ALG1L2: variants seen among roughly 807,000 people sequenced by gnomAD.
ALG1L2 encodes the protein ALG1 chitobiosyldiphosphodolichol beta-mannosyltransferase like 2.
In ALG1L2, 32 loss-of-function variants were observed where a neutral mutation model predicts 29.0. The ratio of observed to expected loss-of-function variants is 1.10; its 90% CI spans 0.83 to 1.48. The LOEUF (loss-of-function observed/expected upper bound fraction) is 1.48. ALG1L2 is among the 40% of genes most tolerant of loss of function. ALG1L2 has a pLI of 0.00. For missense variants in ALG1L2, 318 were observed against 274.1 expected (o/e 1.16, Z -1.13); for synonymous variants, 110 against 109.5 (o/e 1.00, Z -0.03).
At chr3:130,095,003 G>A (rs569474852) in intron 5 of ALG1L2, among the ~76,000 whole-genome samples, 1 of 152,314 alleles carries the variant, frequency 6.6e-6, no homozygotes, top group African/African-American at 2.4e-5. Context: ...GAGCAGAGCT[G>A]TTGGAGGCTG....
chr3:130,093,812 G>A (rs1935069985), intron 4 of ALG1L2: 1 of 160,430 alleles, frequency 6.2e-6, no homozygotes, highest in Admixed American at 6.2e-5. Flanking sequence ...CTTTCAAGAT[G>A]ATTCAGTGAG....
chr3:130,086,909 C>T (rs1487205060), intron 1 of ALG1L2, among the ~76,000 whole-genome samples: 1 of 151,534 alleles, frequency 6.6e-6, no homozygotes, highest in Non-Finnish European at 1.5e-5. Context: ...CCTTCCTCTT[C>T]ATCCTAATGC....
At chr3:130,088,260 A>C (rs1305449622) in intron 1 of ALG1L2, among the ~76,000 whole-genome samples, 1 of 152,308 alleles carries the variant, frequency 6.6e-6, no homozygotes, top group Non-Finnish European at 1.5e-5. Context: ...CCAGCTCAGT[A>C]AGTGATATGG....
At chr3:130,095,771 C>A (rs6802429) in intron 5 of ALG1L2, among the ~76,000 whole-genome samples, 93,361 of 151,880 alleles carry the variant, frequency 0.61, 29,521 homozygotes, top group Middle Eastern at 0.76. Context: ...GATTGTGCCA[C>A]TGCACTCCAG....
chr3:130,089,479 C>T (rs971847676), intron 1 of ALG1L2: 1 of 85,128 alleles, frequency 1.2e-5, no homozygotes, highest in African/African-American at 4.7e-5. Context: ...ATTTCCAAGC[C>T]TTCATAATCA....
chr3:130,085,312 G>T (rs9813398), intron 1 of ALG1L2, among the ~76,000 whole-genome samples: 32,805 of 142,186 alleles, frequency 0.23, 3,278 homozygotes, highest in Non-Finnish European at 0.26. Context: ...GGCCAGGTTG[G>T]TCTTGAACCT....
In ALG1L2 at chr3:130,093,253, C is replaced by T. The variant is rs1235080093; in HGVS notation, c.313+93C>T. The T allele has an allele frequency of 1.6e-5, 23 of 1,416,408 alleles. No individual in the cohort carries two copies. In the East Asian group the frequency reaches 5.3e-4, roughly 33 times the overall value. The allele number at this position is 1,416,408 out of a possible 1,614,324, so 87.7% of individuals were successfully genotyped here. ...TACCCTGTGCTTCCCACGATCTTGT[C>T]TCCTTAATCCTCACTGCAGCTCTCT... On this transcript the variant is annotated intron_variant, in intron 4 of 7. Transcript: ENST00000425059.
At chr3:130,082,200 T>C (rs1934799235) in intron 1 of ALG1L2, among the ~76,000 whole-genome samples, 164 bp downstream of exon 1, 1 of 148,544 alleles carries the variant, frequency 6.7e-6, no homozygotes, top group African/African-American at 2.4e-5. Context: ...GGGAAGAGTG[T>C]GAGAGGGATG....
At chr3:130,084,210 C>T (rs1325765999) in intron 1 of ALG1L2, among the ~76,000 whole-genome samples, 1 of 151,170 alleles carries the variant, frequency 6.6e-6, no homozygotes, top group Non-Finnish European at 1.5e-5. Flanking sequence ...CCTGTAATCC[C>T]AGCTACTCAG....
At chr3:130,091,082 C>T (rs1673927212) in intron 1 of ALG1L2, 179 bp from the exon 2 acceptor site, 3 of 619,476 alleles carry the variant, frequency 4.8e-6, no homozygotes, top group Non-Finnish European at 8.4e-6. Flanking sequence ...TAAAAAGCCC[C>T]TTTCATTCGG....
intron 6 of ALG1L2, 91 bp from the exon 7 acceptor site, chr3:130,097,084 G>A: frequency 6.4e-7 from 1 of 1,560,768 alleles, no homozygotes; most frequent in Non-Finnish European, 8.7e-7. Context: ...AGCCTGGCTT[G>A]AGCGTGGGGT....
chr3:130,094,381 G>C (rs548285277), intron 4 of ALG1L2, 22 bp from the exon 5 acceptor site: 2 of 1,589,034 alleles, frequency 1.3e-6, no homozygotes, highest in Middle Eastern at 2.3e-4. Context: ...GTTCATGGCA[G>C]TGTCTGCTCT....
intron 4 of ALG1L2, chr3:130,094,020 C>T (rs1420997582): frequency 1.1e-5 from 3 of 276,690 alleles, no homozygotes; most frequent in South Asian, 1.1e-4. Context: ...GCAGGGGCGG[C>T]TTGGAACCTG....
rs1181775147 is a variant in ALG1L2 at position 130,084,976 on chromosome 3, T to TTTA, written c.20+2940_20+2941insTTA. On this transcript the variant is annotated intron_variant, in intron 1 of 7. Transcript: ENST00000425059. ...TATTTATTTATTTATTTATTTATTT[T>TTTA]GAGACAGAATCCTGCTCTGTCACCC... 1.7e-3 allele frequency among the ~76,000 whole-genome samples: 129 copies of TTTA among 75,744 alleles called. 1 individual carries two copies. The highest frequency in any genetic ancestry group is 4.1e-3 in the African/African-American group (97 of 23,506). 49.7% of individuals were successfully genotyped at this position (75,744 alleles called of 152,430 possible). A position where few individuals can be genotyped will look rare whatever the true frequency, so the allele number is the denominator to read the frequency against.
At chr3:130,097,964 C>T (rs1559789799) in intron 7 of ALG1L2, among the ~76,000 whole-genome samples, 1 of 152,226 alleles carries the variant, frequency 6.6e-6, no homozygotes, top group Admixed American at 6.5e-5. Context: ...GAGGAGGGTG[C>T]TCACAGGGGA....
intron 1 of ALG1L2, among the ~76,000 whole-genome samples, chr3:130,086,186 CTTGT>C (rs1934887573): frequency 6.6e-6 from 1 of 151,176 alleles, no homozygotes; most frequent in Non-Finnish European, 1.5e-5. Flanking sequence ...GTAAAAAGGC[CTTGT>C]TTGTCAGCAG....
chr3:130,090,374 A>G (rs1336582687), intron 1 of ALG1L2, among the ~76,000 whole-genome samples: 2 of 152,306 alleles, frequency 1.3e-5, no homozygotes, highest in Non-Finnish European at 2.9e-5. Flanking sequence ...AGAAAGAAAT[A>G]AAAATAAATT....
intron 1 of ALG1L2, among the ~76,000 whole-genome samples, chr3:130,088,420 C>G (rs1276206936): frequency 1.3e-5 from 2 of 151,286 alleles, no homozygotes; most frequent in African/African-American, 4.9e-5. Flanking sequence ...AGATCTAATT[C>G]TTTTTTTCTT....
At chr3:130,090,960 G>T in intron 1 of ALG1L2, 1 of 387,932 alleles carries the variant, frequency 2.6e-6, no homozygotes, top group Non-Finnish European at 4.9e-6. Context: ...CCCAGGCAGT[G>T]CAGAGCCATG....
Sources: allele counts gnomAD v4.1 joint callset (sites outside exome capture counted in the v4.1 genomes callset), GRCh38; gene constraint gnomAD v4.1.1; transcripts MANE v1.5; gene names NCBI Gene and HGNC (gene_info 2026-07-23, HGNC 2026-07-21).